The following NRBF2 variants were observed in gnomAD, a reference collection of about 807,000 sequenced individuals.
NRBF2 encodes nuclear receptor-binding factor 2.
NRBF2 carries 12 observed loss-of-function variants against 28.5 expected under a neutral mutation model. That is an observed-to-expected ratio of 0.42 (90% CI 0.27 to 0.68). NRBF2 has a LOEUF of 0.68. Ranked by LOEUF, NRBF2 falls within the 30% of genes least tolerant of loss-of-function variation. The pLI is 0.24. For missense variants in NRBF2, 274 were observed against 333.5 expected (o/e 0.82, Z 1.39); for synonymous variants, 102 against 116.5 (o/e 0.88, Z 0.80).
intron 1 of NRBF2, among the ~76,000 whole-genome samples, chr10:63,140,842 A>T (rs927158276): frequency 6.6e-6 from 1 of 152,010 alleles, no homozygotes. Context: ...CTGGGACTAC[A>T]GGTGGGCGCC....
chr10:63,151,433 G>A (rs1841648179), intron 2 of NRBF2, among the ~76,000 whole-genome samples: 1 of 152,164 alleles, frequency 6.6e-6, no homozygotes, highest in Admixed American at 6.5e-5. Context: ...TAGAGAAAAT[G>A]AGAAAGGACT....
chr10:63,135,184 C>G (rs1386783773), intron 1 of NRBF2, among the ~76,000 whole-genome samples: 1 of 152,154 alleles, frequency 6.6e-6, no homozygotes, highest in Admixed American at 6.5e-5. Context: ...GAGACTCTGA[C>G]TCAAATAACC....
chr10:63,143,676 T>C (rs908203592), intron 1 of NRBF2, among the ~76,000 whole-genome samples: 5 of 151,530 alleles, frequency 3.3e-5, no homozygotes, highest in Admixed American at 2.0e-4. Flanking sequence ...GGTCTCAAAC[T>C]CCTGACCTCA....
At chr10:63,153,190 A>G (rs1215691415) in intron 3 of NRBF2, among the ~76,000 whole-genome samples, 6 of 152,168 alleles carry the variant, frequency 3.9e-5, no homozygotes, top group African/African-American at 1.4e-4. Flanking sequence ...ACAGGCATGC[A>G]TTGAGTTATC....
intron 1 of NRBF2, among the ~76,000 whole-genome samples, chr10:63,142,202 G>T (rs1383473371): frequency 6.6e-6 from 1 of 152,046 alleles, no homozygotes; most frequent in East Asian, 1.9e-4. Context: ...TCTCATCCCT[G>T]CTTCTTAGAG....
At chr10:63,145,131 G>A (rs1377269937) in intron 1 of NRBF2, among the ~76,000 whole-genome samples, 2 of 132,492 alleles carry the variant, frequency 1.5e-5, no homozygotes, top group African/African-American at 6.0e-5. Flanking sequence ...TTTTGAGATG[G>A]AGTTTCACTG....
At chr10:63,146,759 T>C (rs2035558729) in intron 2 of NRBF2, among the ~76,000 whole-genome samples, 1 of 152,242 alleles carries the variant, frequency 6.6e-6, no homozygotes, top group African/African-American at 2.4e-5. Flanking sequence ...ATTTTTCCTG[T>C]GGTCTTTTTT....
intron 1 of NRBF2, among the ~76,000 whole-genome samples, chr10:63,137,886 T>C (rs2132677001): frequency 6.6e-6 from 1 of 152,238 alleles, no homozygotes; most frequent in African/African-American, 2.4e-5. Context: ...CTAAGAGATA[T>C]CCAGCAATTA....
At chr10:63,134,546 TC>T (rs979893183) in intron 1 of NRBF2, among the ~76,000 whole-genome samples, 1 of 152,190 alleles carries the variant, frequency 6.6e-6, no homozygotes, top group Non-Finnish European at 1.5e-5. Context: ...AATTCTAACC[TC>T]GTCACTTGAT....
chr10:63,134,907 G>A (rs771630192), intron 1 of NRBF2, among the ~76,000 whole-genome samples: 2 of 152,112 alleles, frequency 1.3e-5, no homozygotes, highest in African/African-American at 4.8e-5. Flanking sequence ...CAGGGAACTG[G>A]CCAGGCGCCG....
Position 63,140,177 on chromosome 10 carries a change from A to G in NRBF2, c.31-6032A>G, listed in dbSNP as rs917450165. 2.0e-5 allele frequency among the ~76,000 whole-genome samples: 3 copies of G among 152,146 alleles called. No homozygotes were observed. The East Asian group carries it at 5.8e-4, about 29-fold the overall frequency. ...AAGGAAATCATAAGGAAGAGAAAAT[A>G]TAGTTCTATACTATAGTTATCAATA... On this transcript the variant is annotated intron_variant, in intron 1 of 3. Transcript: ENST00000277746.
At chr10:63,147,259 G>T (rs1841576441) in intron 2 of NRBF2, among the ~76,000 whole-genome samples, 1 of 152,068 alleles carries the variant, frequency 6.6e-6, no homozygotes, top group African/African-American at 2.4e-5. Context: ...CAGTAGATTG[G>T]ATAAGTCTTC....
intron 1 of NRBF2, among the ~76,000 whole-genome samples, chr10:63,139,704 ACTC>A (rs1564529011): frequency 6.6e-6 from 1 of 151,604 alleles, no homozygotes; most frequent in Non-Finnish European, 1.5e-5. Context: ...TGTCTGCTTC[ACTC>A]CTCCTTTCTG....
intron 1 of NRBF2, among the ~76,000 whole-genome samples, chr10:63,141,966 C>T (rs1387079606): frequency 6.6e-6 from 1 of 152,156 alleles, no homozygotes; most frequent in Non-Finnish European, 1.5e-5. Context: ...TTGGACTCTA[C>T]ATGGGGATGT....
At chr10:63,150,373 CAA>C in intron 2 of NRBF2, 1 of 981,620 alleles carries the variant, frequency 1.0e-6, no homozygotes, top group Non-Finnish European at 1.2e-6. Flanking sequence ...ATAGCTGGAG[CAA>C]AGACTGTATA....
rs757993383 is a variant in NRBF2 at position 63,153,781 on chromosome 10, T to C, written c.427T>C (p.Tyr143His). The C allele has an allele frequency of 4.3e-6, 7 of 1,613,060 alleles. No individual in the cohort carries two copies. In the South Asian group the frequency reaches 4.4e-5, roughly 10 times the overall value. The stretch of plus-strand genomic sequence containing the variant: ...TGACAGGGATCCAGACACACTACTT[T>C]ATTTACTTCAGCAAAAGAGTGAGCC... ...IFDRDPDTLL[Y>H]LLQQKSEPAE... Residue 143 changes from tyrosine (Y) to histidine (H), a missense_variant, in exon 4 of 4, where the codon TAT becomes CAT. Coordinates refer to ENST00000277746, the MANE Select transcript of NRBF2 (RefSeq NM_030759.5).
chr10:63,136,717 T>A (rs12416113), intron 1 of NRBF2, among the ~76,000 whole-genome samples: 21,437 of 152,258 alleles, frequency 0.14, 2,215 homozygotes, highest in East Asian at 0.35. Flanking sequence ...ACTCATCATG[T>A]TCATTTCAGT....
chr10:63,148,527 C>CT (rs928325194), intron 2 of NRBF2, among the ~76,000 whole-genome samples: 6 of 152,112 alleles, frequency 3.9e-5, no homozygotes, highest in African/African-American at 1.4e-4. Context: ...CTGAGAAAGA[C>CT]TAATAGGAAG....
intron 1 of NRBF2, among the ~76,000 whole-genome samples, chr10:63,145,008 C>A (rs1841536785): frequency 6.6e-6 from 1 of 151,942 alleles, no homozygotes; most frequent in Admixed American, 6.6e-5. Flanking sequence ...AGTTACACGA[C>A]CTCCCCATCA....
Sources: allele counts gnomAD v4.1 joint callset (sites outside exome capture counted in the v4.1 genomes callset), GRCh38; gene constraint gnomAD v4.1.1; transcripts MANE v1.5; gene names NCBI Gene and HGNC (gene_info 2026-07-23, HGNC 2026-07-21).